PCDH15: variants seen among roughly 807,000 people sequenced by gnomAD.
PCDH15 encodes the protein protocadherin related 15, also known as protocadherin-15.
A neutral mutation model predicts 178.5 loss-of-function variants in PCDH15; 129 were observed. The observed-to-expected ratio is 0.72, with a 90% CI of 0.63 to 0.84. PCDH15 has a LOEUF of 0.84. Among genes scored for constraint, PCDH15 ranks in the 40% least tolerant of loss-of-function variants. The probability of loss-of-function intolerance (pLI) is 0.00; values close to 1 mark genes in which losing one functional copy is unlikely to be tolerated. For synonymous variants in PCDH15, 800 were observed against 732.0 expected (o/e 1.09, Z -1.50); for missense variants, 2,230 against 2,099.9 (o/e 1.06, Z -1.21).
intron 2 of PCDH15, among the ~76,000 whole-genome samples, chr10:54,601,901 A>T (rs1480359276): frequency 6.6e-6 from 1 of 151,978 alleles, no homozygotes; most frequent in Non-Finnish European, 1.5e-5. Context: ...GAAATACTGC[A>T]TGTTCTCACT....
intron 2 of PCDH15, among the ~76,000 whole-genome samples, chr10:54,577,151 C>T (rs1321102781): frequency 6.6e-6 from 1 of 151,750 alleles, no homozygotes; most frequent in African/African-American, 2.4e-5. Context: ...GACGCGATCT[C>T]GGCTCACTGC....
chr10:55,088,720 G>A (rs924838725), intron 2 of PCDH15, among the ~76,000 whole-genome samples: 5 of 152,032 alleles, frequency 3.3e-5, no homozygotes, highest in African/African-American at 7.2e-5. Context: ...TAAGCATAAG[G>A]TTAATGAGCC....
At chr10:54,655,248 AAGAAAGAAAGAGAG>A (rs1290974614) in intron 2 of PCDH15, among the ~76,000 whole-genome samples, 33 of 65,722 alleles carry the variant, frequency 5.0e-4, no homozygotes, top group African/African-American at 1.9e-3. Context: ...GAAAGAAAGA[AAGAAAGAAAGAGAG>A]AGAGAGAGAG....
chr10:54,056,142 T>A (rs2093881383), intron 18 of PCDH15, among the ~76,000 whole-genome samples: 1 of 152,128 alleles, frequency 6.6e-6, no homozygotes, highest in African/African-American at 2.4e-5. Flanking sequence ...ATGTACATAT[T>A]TATGGGGTAC....
chr10:54,591,364 TGGCAGGCAAATGTAACATTGCTA>T (rs879320259), intron 2 of PCDH15, among the ~76,000 whole-genome samples: 1 of 152,202 alleles, frequency 6.6e-6, no homozygotes, highest in Admixed American at 6.5e-5. Context: ...TGTAGAAGAA[TGGCAGGCAAATGTAACATTGCTA>T]GTTTTGAAAA....
intron 3 of PCDH15, among the ~76,000 whole-genome samples, chr10:54,878,264 G>C (rs1466171930): frequency 6.6e-6 from 1 of 152,036 alleles, no homozygotes; most frequent in East Asian, 1.9e-4. Flanking sequence ...CACCCCGCCA[G>C]AAGTTCTCTC....
chr10:55,262,996 T>C (rs912486079), intron 1 of PCDH15, among the ~76,000 whole-genome samples: 3 of 152,106 alleles, frequency 2.0e-5, no homozygotes, highest in African/African-American at 4.8e-5. Flanking sequence ...CCCTAGAGGT[T>C]TGAACAGTGG....
At chr10:54,156,831 C>T (rs986517852) in intron 13 of PCDH15, among the ~76,000 whole-genome samples, 1 of 152,214 alleles carries the variant, frequency 6.6e-6, no homozygotes, top group Non-Finnish European at 1.5e-5. Flanking sequence ...TGGGTAAATA[C>T]AGCCTTTCCA....
chr10:55,176,732 A>G (rs1382481126), intron 1 of PCDH15, among the ~76,000 whole-genome samples: 2 of 152,060 alleles, frequency 1.3e-5, no homozygotes, highest in Non-Finnish European at 2.9e-5. Flanking sequence ...CTGCTAACTC[A>G]AGTACCTGAG....
rs373015231 is a variant in PCDH15, at chr10:55,170,937, A to G, written c.-155-4286T>C. ...AAGCGTAATTGATTTTTCTCTTAGT[A>G]TATTTTCTTTTTTGGATTCCAGGAT... is the stretch of plus-strand genomic sequence containing the variant. On this transcript the variant is annotated intron_variant, in intron 1 of 5. Transcript: ENST00000458638. Among the ~76,000 whole-genome samples the G allele has an allele frequency of 2.9e-4, 44 of 152,252 alleles. 1 individual carries two copies. Among genetic ancestry groups the G allele is most frequent in the African/African-American group, 1.0e-3 (42 of 41,564 alleles).
Position 54,815,195 on chromosome 10 carries a change from C to A in PCDH15, c.-29+82255G>T, listed in dbSNP as rs529617343. 9.3e-5 allele frequency among the ~76,000 whole-genome samples: 14 copies of A among 151,096 alleles called. No individual in the cohort carries two copies. The South Asian group carries it at 2.9e-3, about 32-fold the overall frequency. ...TTGAAAAAACTCACAAACTGTGTCACCTAAAATATTGAAAAAATTAAGAAA... is the reference window on the plus strand; with the variant it reads ...TTGAAAAAACTCACAAACTGTGTCAACTAAAATATTGAAAAAATTAAGAAA... On this transcript the variant is annotated intron_variant, in intron 3 of 5. Coordinates refer to the PCDH15 transcript ENST00000458638.
chr10:54,325,361 T>C (rs1447447471), intron 7 of PCDH15, among the ~76,000 whole-genome samples: 2 of 152,158 alleles, frequency 1.3e-5, no homozygotes, highest in African/African-American at 2.4e-5. Flanking sequence ...AAAGTCAAAA[T>C]TGATTGCTCA....
chr10:54,631,261 T>C (rs1031070924), intron 2 of PCDH15, among the ~76,000 whole-genome samples: 1 of 152,134 alleles, frequency 6.6e-6, no homozygotes, highest in African/African-American at 2.4e-5. Flanking sequence ...CAGCTTTACC[T>C]TTCACCTGAG....
intron 3 of PCDH15, among the ~76,000 whole-genome samples, chr10:54,861,775 T>C (rs1467267839): frequency 6.6e-6 from 1 of 152,200 alleles, no homozygotes; most frequent in African/African-American, 2.4e-5. Context: ...TCACTGATTA[T>C]ATGATTTTAT....
chr10:54,309,741 A>G (rs1190775859), intron 8 of PCDH15, among the ~76,000 whole-genome samples: 2 of 152,074 alleles, frequency 1.3e-5, no homozygotes, highest in Admixed American at 6.6e-5. Flanking sequence ...GGTTGCAGTG[A>G]GCCAAGATTG....
chr10:54,162,446 TGAGAA>T (rs1229019502), intron 13 of PCDH15, among the ~76,000 whole-genome samples: 1 of 152,182 alleles, frequency 6.6e-6, no homozygotes, highest in East Asian at 1.9e-4. Context: ...CTGTCTGTGT[TGAGAA>T]AAGTAATCAG....
At chr10:55,574,686 G>T (rs1465760917) in intron 2 of PCDH15, among the ~76,000 whole-genome samples, 1 of 151,792 alleles carries the variant, frequency 6.6e-6, no homozygotes, top group South Asian at 2.1e-4. Flanking sequence ...AATGAGAAAA[G>T]AAAGAAAAAT....
chr10:54,961,151 T>A (rs570986074), intron 2 of PCDH15, among the ~76,000 whole-genome samples: 5 of 152,142 alleles, frequency 3.3e-5, no homozygotes, highest in African/African-American at 4.8e-5. Flanking sequence ...CAGACAGGGG[T>A]GCATGCTCCC....
chr10:53,975,941 T>G (rs553019004), intron 21 of PCDH15, among the ~76,000 whole-genome samples: 1 of 152,276 alleles, frequency 6.6e-6, no homozygotes, highest in East Asian at 1.9e-4. Context: ...CAAAAAAATT[T>G]TTGTATGTGG....
Sources: allele counts gnomAD v4.1 joint callset (sites outside exome capture counted in the v4.1 genomes callset), GRCh38; gene constraint gnomAD v4.1.1; transcripts MANE v1.5; gene names NCBI Gene and HGNC (gene_info 2026-07-23, HGNC 2026-07-21).